MTREX: variants seen among roughly 807,000 people sequenced by gnomAD.
The protein encoded by MTREX is exosome RNA helicase MTR4.
MTREX carries 76 observed loss-of-function variants against 135.4 expected under a neutral mutation model. That is an observed-to-expected ratio of 0.56 (90% CI 0.47 to 0.68). The LOEUF (loss-of-function observed/expected upper bound fraction) is 0.68. Ranked by LOEUF, MTREX falls within the 30% of genes least tolerant of loss-of-function variation. MTREX has a pLI of 0.00. For missense variants in MTREX, 920 were observed against 1,262.1 expected (o/e 0.73, Z 4.11); for synonymous variants, 404 against 401.6 (o/e 1.01, Z -0.07).
intron 16 of MTREX, among the ~76,000 whole-genome samples, chr5:55,370,090 A>T (rs1039464455): frequency 6.6e-6 from 1 of 151,644 alleles, no homozygotes; most frequent in Non-Finnish European, 1.5e-5. Flanking sequence ...CGCCCAGCTA[A>T]TTTTGTATTT....
chr5:55,374,921 G>A (rs987275540), intron 16 of MTREX, among the ~76,000 whole-genome samples: 1 of 152,164 alleles, frequency 6.6e-6, no homozygotes, highest in Non-Finnish European at 1.5e-5. Context: ...TAAAGGGACA[G>A]AGTACAAAAG....
At chr5:55,338,148 A>T (rs970405986) in intron 5 of MTREX, among the ~76,000 whole-genome samples, 3 of 152,166 alleles carry the variant, frequency 2.0e-5, no homozygotes. Flanking sequence ...ACCTTTACAT[A>T]CATAGTCTTA....
intron 18 of MTREX, among the ~76,000 whole-genome samples, chr5:55,387,761 TTATAAA>T (rs1299803368): frequency 2.0e-5 from 3 of 152,130 alleles, no homozygotes; most frequent in African/African-American, 7.2e-5. Context: ...AAATTAGAAT[TTATAAA>T]TATAAAGTTA....
At chr5:55,382,223 TTTCTC>T (rs1347128258) in intron 18 of MTREX, among the ~76,000 whole-genome samples, 6 of 152,146 alleles carry the variant, frequency 3.9e-5, no homozygotes, top group Admixed American at 1.3e-4. Context: ...GTGTCTTTGT[TTTCTC>T]TTCTTTTACT....
chr5:55,389,862 T>C (rs1414252005), intron 19 of MTREX, among the ~76,000 whole-genome samples: 2 of 152,036 alleles, frequency 1.3e-5, no homozygotes, highest in Non-Finnish European at 2.9e-5. Flanking sequence ...TATAAATATA[T>C]TGTTTGCCTT....
chr5:55,414,181 G>T lies in MTREX; in HGVS notation c.2752-1G>T. Reference sequence around the variant, plus strand: ...TATCTTGTTTTCCTTTTCTTTTATAGTCTAGTGAGATGCCCAAATTAACAG... The same window carrying T: ...TATCTTGTTTTCCTTTTCTTTTATATTCTAGTGAGATGCCCAAATTAACAG... On this transcript the variant is annotated splice_acceptor_variant, in intron 23 of 26. Transcript: ENST00000230640. LOFTEE classifies it high-confidence loss of function. 6.4e-7 allele frequency: 1 copy of T among 1,564,814 alleles called. No homozygotes were observed. Among genetic ancestry groups the T allele is most frequent in the Non-Finnish European group, 8.6e-7 (1 of 1,164,890 alleles).
intron 24 of MTREX, among the ~76,000 whole-genome samples, chr5:55,415,347 T>G (rs887761281): frequency 1.3e-5 from 2 of 152,090 alleles, no homozygotes; most frequent in Non-Finnish European, 2.9e-5. Flanking sequence ...CCCCTGAGCC[T>G]AAAATAAAAG....
intron 16 of MTREX, among the ~76,000 whole-genome samples, chr5:55,371,065 C>G (rs1750186962): frequency 6.6e-6 from 1 of 152,114 alleles, no homozygotes; most frequent in Non-Finnish European, 1.5e-5. Flanking sequence ...AAAATGCATA[C>G]TTAATCTTAG....
chr5:55,423,988 G>T (rs1367388427), intron 26 of MTREX: 1 of 151,992 alleles, frequency 6.6e-6, no homozygotes, highest in African/African-American at 2.4e-5. Context: ...ATCAAAATTT[G>T]TATTTGTCCT....
chr5:55,365,521 A>G, intron 15 of MTREX, among the ~76,000 whole-genome samples: 1 of 152,200 alleles, frequency 6.6e-6, no homozygotes, highest in Non-Finnish European at 1.5e-5. Flanking sequence ...CTTCAATTTA[A>G]GAACCCAGGA....
rs140117262 is a variant in MTREX, at chr5:55,417,706, C to T, written c.2971+1574C>T. 3.5e-4 allele frequency among the ~76,000 whole-genome samples: 53 copies of T among 152,208 alleles called. 1 individual carries two copies. The East Asian group carries it at 0.01, about 29-fold the overall frequency. On this transcript the variant is annotated intron_variant, in intron 25 of 26. Coordinates refer to ENST00000230640, the MANE Select transcript of MTREX (RefSeq NM_015360.5). ...CAATTGTGTTTCAGCAGCACTAGGG[C>T]GATCACATAGAGCACCACCAGTCTT...
intron 1 of MTREX, 39 bp downstream of exon 1, chr5:55,308,186 C>T: frequency 1.3e-6 from 2 of 1,541,900 alleles, no homozygotes; most frequent in Non-Finnish European, 1.7e-6. Context: ...TATTTTTTTT[C>T]TCGGTGGGGA....
chr5:55,391,076 A>G (rs1055425951), intron 19 of MTREX, among the ~76,000 whole-genome samples: 1 of 152,084 alleles, frequency 6.6e-6, no homozygotes, highest in African/African-American at 2.4e-5. Context: ...TGAAAATTGG[A>G]CATTTTAAAT....
intron 1 of MTREX, among the ~76,000 whole-genome samples, chr5:55,312,107 C>G (rs1039633521): frequency 6.6e-6 from 1 of 152,094 alleles, no homozygotes; most frequent in African/African-American, 2.4e-5. Flanking sequence ...TGATAATTGC[C>G]CAGGTCCATT....
chr5:55,372,894 G>A (rs1464652876), intron 16 of MTREX, among the ~76,000 whole-genome samples: 21 of 28,822 alleles, frequency 7.3e-4, no homozygotes, highest in East Asian at 3.7e-3. Context: ...AAACTGTAAT[G>A]TGTGTGTGTG....
At position 55,349,628 on chromosome 5, in the gene MTREX, C is replaced by G; in HGVS notation, c.1296C>G (p.Ser432=). ...EVFSNAIDCL[S]DEDKKLPQVE... is the part of the protein sequence containing the mutation. ...TCAGTAATGCAATTGATTGCTTATC[C>G]GATGAAGATAAAAAACTCCCTCAGG... is the stretch of plus-strand genomic sequence containing the variant. The change falls in exon 12 of 27, where the codon TCC becomes TCG. Residue 432 remains serine, a synonymous_variant. Coordinates refer to ENST00000230640, the MANE Select transcript of MTREX (RefSeq NM_015360.5). 6.2e-7 allele frequency: 1 copy of G among 1,600,412 alleles called. No individual in the cohort carries two copies. The highest frequency in any genetic ancestry group is 8.6e-7 in the Non-Finnish European group (1 of 1,168,416).
chr5:55,330,807 A>G (rs1402995692), intron 5 of MTREX, among the ~76,000 whole-genome samples: 2 of 152,062 alleles, frequency 1.3e-5, no homozygotes, highest in Non-Finnish European at 2.9e-5. Flanking sequence ...TGAGGACTCA[A>G]GTTATACTTA....
chr5:55,344,960 T>A, intron 9 of MTREX, 134 bp from the exon 10 acceptor site: 1 of 626,206 alleles, frequency 1.6e-6, no homozygotes, highest in African/African-American at 1.9e-5. Flanking sequence ...TTACCACAGA[T>A]CATGTTTGGA....
intron 15 of MTREX, among the ~76,000 whole-genome samples, chr5:55,358,978 T>G (rs1749965527): frequency 6.6e-6 from 1 of 152,150 alleles, no homozygotes; most frequent in Non-Finnish European, 1.5e-5. Flanking sequence ...TTAAGAAATC[T>G]CTTTATTTGA....
Sources: allele counts gnomAD v4.1 joint callset (sites outside exome capture counted in the v4.1 genomes callset), GRCh38; gene constraint gnomAD v4.1.1; transcripts MANE v1.5; gene names NCBI Gene and HGNC (gene_info 2026-07-23, HGNC 2026-07-21).